The following GLI3 variants were observed in gnomAD, a reference collection of about 807,000 sequenced individuals.
GLI3 encodes the protein transcription activator GLI3.
Under a neutral mutation model 100.8 loss-of-function variants are expected in GLI3, and 20 were observed. That is an observed-to-expected ratio of 0.20 (90% CI 0.14 to 0.29). GLI3 has a LOEUF of 0.29. Ranked by LOEUF, GLI3 falls within the 10% of genes least tolerant of loss-of-function variation. The probability of loss-of-function intolerance (pLI) is 1.00; values close to 1 mark genes in which losing one functional copy is unlikely to be tolerated. For synonymous variants in GLI3, 938 were observed against 860.5 expected, an observed-to-expected ratio of 1.09 and a Z score of -1.58; for missense variants, 2,040 against 2,128.5, an observed-to-expected ratio of 0.96 and a Z score of 0.82.
At chr7:42,097,463 G>A (rs1326207830) in intron 3 of GLI3, among the ~76,000 whole-genome samples, 1 of 152,164 alleles carries the variant, frequency 6.6e-6, no homozygotes, top group South Asian at 2.1e-4. Flanking sequence ...GAGGGGAGAT[G>A]CTGGAGGGAG....
At chr7:42,158,288 C>T (rs1019007566) in intron 2 of GLI3, among the ~76,000 whole-genome samples, 2 of 152,218 alleles carry the variant, frequency 1.3e-5, no homozygotes, top group East Asian at 1.9e-4. Flanking sequence ...GATGCAGTAT[C>T]ATCAACCAGT....
At chr7:42,128,027 A>AAAG (rs1554331513) in intron 3 of GLI3, among the ~76,000 whole-genome samples, 1 of 146,888 alleles carries the variant, frequency 6.8e-6, no homozygotes, top group Admixed American at 7.1e-5. Context: ...TCAAAAAAAA[A>AAAG]AAAAAGAAAA....
At chr7:42,111,549 G>A (rs1355114941) in intron 3 of GLI3, among the ~76,000 whole-genome samples, 2 of 150,274 alleles carry the variant, frequency 1.3e-5, no homozygotes, top group African/African-American at 5.0e-5. Flanking sequence ...GAATAGAATG[G>A]AGGTGATACT....
chr7:42,038,644 C>A (rs1362479439), intron 7 of GLI3, among the ~76,000 whole-genome samples: 1 of 152,166 alleles, frequency 6.6e-6, no homozygotes, highest in African/African-American at 2.4e-5. Context: ...ATCCACGTTT[C>A]CACACTTCAG....
chr7:42,042,377 C>A (rs1335026357), intron 6 of GLI3, among the ~76,000 whole-genome samples: 1 of 152,172 alleles, frequency 6.6e-6, no homozygotes, highest in African/African-American at 2.4e-5. Context: ...CCTTATTAAA[C>A]ACAACTCCTT....
intron 2 of GLI3, among the ~76,000 whole-genome samples, chr7:42,179,508 T>G (rs1787548759): frequency 6.6e-6 from 1 of 152,170 alleles, no homozygotes; most frequent in African/African-American, 2.4e-5. Flanking sequence ...AAAGGCTCAC[T>G]GTGTTGACAA....
At chr7:42,168,115 TA>T in intron 2 of GLI3, among the ~76,000 whole-genome samples, 1 of 152,198 alleles carries the variant, frequency 6.6e-6, no homozygotes, top group East Asian at 1.9e-4. Flanking sequence ...TAACAAGACA[TA>T]AGACATAATT....
At chr7:42,091,060 T>C (rs948215293) in intron 3 of GLI3, among the ~76,000 whole-genome samples, 1 of 152,230 alleles carries the variant, frequency 6.6e-6, no homozygotes, top group African/African-American at 2.4e-5. Flanking sequence ...GGGCCTGTGG[T>C]CAGAAGGGCC....
intron 1 of GLI3, among the ~76,000 whole-genome samples, chr7:42,228,436 G>C (rs1002595898): frequency 1.3e-5 from 2 of 152,256 alleles, no homozygotes; most frequent in African/African-American, 2.4e-5. Flanking sequence ...GCGCCTGGCA[G>C]TCTCCCTCCA....
At position 42,190,272 on chromosome 7, in the gene GLI3, G is replaced by A. The variant is rs576182349; in HGVS notation, c.124+32858C>T. 1.4e-3 allele frequency among the ~76,000 whole-genome samples: 211 copies of A among 152,096 alleles called. 1 individual carries two copies. The highest frequency in any genetic ancestry group is 4.3e-3 in the African/African-American group (180 of 41,494). ...CCATTAGAATTTATAAATATATCCCGAAGCAGGCTGTTTAGAGGATGGGGA... is the reference window on the plus strand; with the variant it reads ...CCATTAGAATTTATAAATATATCCCAAAGCAGGCTGTTTAGAGGATGGGGA... On this transcript the variant is annotated intron_variant, in intron 2 of 14. Transcript: ENST00000395925.
In GLI3 at chr7:42,148,213, C is replaced by T; in HGVS notation, c.367+13G>A. The T allele has an allele frequency of 6.2e-7, 1 of 1,605,204 alleles. No homozygotes were observed. Among genetic ancestry groups the T allele is most frequent in the Non-Finnish European group, 8.5e-7 (1 of 1,174,864 alleles). The stretch of plus-strand genomic sequence containing the variant: ...TAGCTCCTGAACAAGTGCCGACTGG[C>T]ATGGGCACTTACGGTAGTGGGGCTC... On this transcript the variant is annotated intron_variant, in intron 3 of 14. Transcript: ENST00000395925.
intron 2 of GLI3, among the ~76,000 whole-genome samples, chr7:42,221,328 G>A (rs1788483257): frequency 6.6e-6 from 1 of 152,188 alleles, no homozygotes; most frequent in Non-Finnish European, 1.5e-5. Flanking sequence ...AGACTCTGTG[G>A]CCATGCAGCT....
chr7:42,069,038 C>G (rs1784732769), intron 4 of GLI3, among the ~76,000 whole-genome samples: 1 of 152,182 alleles, frequency 6.6e-6, no homozygotes, highest in African/African-American at 2.4e-5. Context: ...ACCTCCCAGG[C>G]CCCCGCAACA....
At chr7:42,254,740 T>A (rs2128710885) in intron 1 of GLI3, among the ~76,000 whole-genome samples, 1 of 152,302 alleles carries the variant, frequency 6.6e-6, no homozygotes, top group Admixed American at 6.5e-5. Context: ...CATCTCATGC[T>A]ACCTGCCCAC....
chr7:42,118,370 A>T (rs530426432), intron 3 of GLI3: 224 of 398,546 alleles, frequency 5.6e-4, no homozygotes, highest in Non-Finnish European at 9.0e-4. Context: ...TTTTCAGGTG[A>T]TGGATACAAA....
chr7:41,999,085 G>C (rs947397220), intron 10 of GLI3, among the ~76,000 whole-genome samples: 6 of 152,156 alleles, frequency 3.9e-5, no homozygotes, highest in Non-Finnish European at 8.8e-5. Flanking sequence ...GGAGTTTCCT[G>C]TTGAAGAGAG....
chr7:42,200,919 G>A (rs151234557), intron 2 of GLI3, among the ~76,000 whole-genome samples: 1 of 152,206 alleles, frequency 6.6e-6, no homozygotes, highest in Non-Finnish European at 1.5e-5. Context: ...GCTGCCTAGT[G>A]GACACACTCT....
chr7:42,031,558 A>G lies in GLI3; in HGVS notation c.1029-5146T>C, dbSNP rs116705296. Among the ~76,000 whole-genome samples, 748 of 152,380 alleles carry G rather than the reference A, an allele frequency of 4.9e-3. 6 individuals are homozygous for G. The highest frequency in any genetic ancestry group is 0.017 in the African/African-American group (710 of 41,592). On this transcript the variant is annotated intron_variant, in intron 7 of 14. Coordinates refer to ENST00000395925, the MANE Select transcript of GLI3 (RefSeq NM_000168.6). ...CAGCAGGATGTGGAGGAGCTTCCAG[A>G]GACCAGTGTTCCTCACAATACACTT...
At chr7:42,173,085 C>T (rs558152677) in intron 2 of GLI3, among the ~76,000 whole-genome samples, 3 of 152,248 alleles carry the variant, frequency 2.0e-5, no homozygotes, top group South Asian at 2.1e-4. Context: ...GTCACAACGA[C>T]GGGTATATTT....
Sources: gnomAD v4.1 joint callset for allele counts (sites outside exome capture counted in the v4.1 genomes callset) on GRCh38, gnomAD v4.1.1 for gene constraint, MANE v1.5 for transcripts, NCBI Gene and HGNC (gene_info 2026-07-23, HGNC 2026-07-21) for gene names.